The following CCNYL1 variants were observed in gnomAD, a reference collection of about 807,000 sequenced individuals.
CCNYL1 encodes cyclin-Y-like protein 1.
In CCNYL1, 16 loss-of-function variants were observed where a neutral mutation model predicts 44.2. The observed-to-expected ratio is 0.36, with a 90% confidence interval of 0.25 to 0.55. CCNYL1 has a LOEUF of 0.55. CCNYL1 is among the 20% of genes least tolerant of loss of function. The pLI is 0.85. For synonymous variants in CCNYL1, 159 were observed against 163.2 expected (o/e 0.97, Z 0.20); for missense variants, 348 against 451.8 (o/e 0.77, Z 2.08).
intron 3 of CCNYL1, among the ~76,000 whole-genome samples, chr2:207,727,962 C>A (rs911090718): frequency 1.1e-4 from 17 of 150,168 alleles, no homozygotes; most frequent in Admixed American, 3.3e-4. Context: ...TTCTCTCTCT[C>A]TCTTTTTTTT....
chr2:207,734,734 A>G (rs533484288), intron 4 of CCNYL1, among the ~76,000 whole-genome samples: 2 of 152,210 alleles, frequency 1.3e-5, no homozygotes, highest in Admixed American at 1.3e-4. Context: ...TAAAAACATA[A>G]CTAGCTTATA....
At chr2:207,746,934 C>G in intron 7 of CCNYL1, 113 bp from the exon 8 acceptor site, 1 of 796,392 alleles carries the variant, frequency 1.3e-6, no homozygotes, top group Non-Finnish European at 2.0e-6. Flanking sequence ...GAGATCGCAC[C>G]ATTGCACTAC....
chr2:207,748,346 C>T (rs1298766590), intron 8 of CCNYL1, among the ~76,000 whole-genome samples: 1 of 152,176 alleles, frequency 6.6e-6, no homozygotes, highest in Non-Finnish European at 1.5e-5. Context: ...CCTTGAGTTA[C>T]CTATGAGAGT....
At chr2:207,720,961 G>A (rs13414646) in intron 1 of CCNYL1, among the ~76,000 whole-genome samples, 2,221 of 147,340 alleles carry the variant, frequency 0.015, 51 homozygotes, top group African/African-American at 0.056. Flanking sequence ...GAGTGAGCAT[G>A]AGACTGGAGC....
At chr2:207,721,745 T>G (rs924696003) in intron 1 of CCNYL1, among the ~76,000 whole-genome samples, 46 of 152,008 alleles carry the variant, frequency 3.0e-4, no homozygotes, top group African/African-American at 9.2e-4. Context: ...TTTTTTTTTT[T>G]TTTGTTTTGA....
intron 7 of CCNYL1, among the ~76,000 whole-genome samples, chr2:207,745,694 A>T (rs577077473): frequency 1.3e-5 from 2 of 152,332 alleles, no homozygotes; most frequent in South Asian, 4.1e-4. Flanking sequence ...CACGCCTGTA[A>T]TCCCAGCACT....
chr2:207,752,047 A>AT (rs895561799), intron 9 of CCNYL1, among the ~76,000 whole-genome samples: 1 of 151,574 alleles, frequency 6.6e-6, no homozygotes, highest in African/African-American at 2.4e-5. Context: ...AAAAAAAAAA[A>AT]TTTTTTCTTT....
At chr2:207,723,150 T>G (rs1423634925) in intron 1 of CCNYL1, among the ~76,000 whole-genome samples, 1 of 152,204 alleles carries the variant, frequency 6.6e-6, no homozygotes, top group African/African-American at 2.4e-5. Context: ...AAAAGCAGTT[T>G]AAAAAAGTTG....
At position 207,711,850 on chromosome 2, in the gene CCNYL1, A is replaced by C; in HGVS notation, c.-47A>C. ...AGGGGGCGGCTGTTGAGGGCGGCGG[A>C]GTAGGGGGCGAGCGAAGGCGGTGGC... On this transcript the variant is annotated 5_prime_UTR_variant, in exon 1 of 10. Transcript: ENST00000295414. 1 of 1,290,336 alleles carries C rather than the reference A, an allele frequency of 7.7e-7. No homozygotes were observed. 79.9% of individuals were successfully genotyped at this position (1,290,336 alleles called of 1,614,324 possible).
chr2:207,717,483 G>A (rs2091606045), intron 1 of CCNYL1, among the ~76,000 whole-genome samples: 1 of 152,132 alleles, frequency 6.6e-6, no homozygotes, highest in Non-Finnish European at 1.5e-5. Context: ...CATTCTGGAG[G>A]GAGCTAGGGA....
chr2:207,731,806 C>CTTTT (rs58231431), intron 3 of CCNYL1, among the ~76,000 whole-genome samples: 2 of 84,700 alleles, frequency 2.4e-5, no homozygotes, highest in African/African-American at 3.9e-5. Context: ...GAGGTTTCTT[C>CTTTT]TTTTTTTTTT....
chr2:207,723,764 A>G (rs1394538673), intron 1 of CCNYL1, among the ~76,000 whole-genome samples: 2 of 148,948 alleles, frequency 1.3e-5, no homozygotes, highest in African/African-American at 2.5e-5. Context: ...AATCCCAGCT[A>G]TTTGGGATAC....
At chr2:207,738,257 G>C (rs1351573926) in intron 5 of CCNYL1, among the ~76,000 whole-genome samples, 4 of 151,930 alleles carry the variant, frequency 2.6e-5, no homozygotes, top group African/African-American at 9.7e-5. Flanking sequence ...AGTCTTGTCT[G>C]TTGCCCAGGC....
In CCNYL1 at chr2:207,711,964, C is replaced by T. The variant is rs1394267644; in HGVS notation, c.68C>T (p.Ser23Leu). The change falls in exon 1 of 10, where the codon TCG (serine) becomes TTG (leucine). Residue 23 changes from serine (S) to leucine (L), a missense_variant. Around this residue, in one of 3 missense-constraint regions of CCNYL1, gnomAD observed 209 missense variants for 247.7 expected, o/e 0.84. Transcript: ENST00000295414. ...CCCAAGCTGGGCCGGCGCGCGGGGT[C>T]GGCGGAGCTGTACTGCGCGTCCGAC... is the stretch of plus-strand genomic sequence containing the variant. Reference protein sequence around the residue: ...ASPKLGRRAGSAELYCASDIY... With the variant: ...ASPKLGRRAGLAELYCASDIY... 10 of 1,404,088 alleles carry T rather than the reference C, an allele frequency of 7.1e-6. No individual in the cohort carries two copies. The East Asian group carries it at 1.8e-4, about 26-fold the overall frequency. The allele number at this position is 1,404,088 out of a possible 1,614,324, so 87.0% of individuals were successfully genotyped here. A position where few individuals can be genotyped will look rare whatever the true frequency, so the allele number is the denominator to read the frequency against.
intron 5 of CCNYL1, 76 bp from the exon 6 acceptor site, chr2:207,740,579 C>A: frequency 1.0e-6 from 1 of 990,206 alleles, no homozygotes; most frequent in Non-Finnish European, 1.6e-6. Context: ...CATCTCCCGC[C>A]ACCCCCAGCA....
intron 8 of CCNYL1, 127 bp downstream of exon 8, chr2:207,747,340 T>A (rs2091861404): frequency 1.5e-6 from 1 of 684,738 alleles, no homozygotes; most frequent in Non-Finnish European, 2.3e-6. Flanking sequence ...CATAAGACTA[T>A]ATCTGTCTAT....
At chr2:207,752,090 A>G (rs1323809720) in intron 9 of CCNYL1, among the ~76,000 whole-genome samples, 1 of 151,110 alleles carries the variant, frequency 6.6e-6, no homozygotes, top group Non-Finnish European at 1.5e-5. Flanking sequence ...CTACATACAT[A>G]ATTCACTTGC....
chr2:207,748,065 T>C (rs889087755), intron 8 of CCNYL1, among the ~76,000 whole-genome samples: 9 of 152,234 alleles, frequency 5.9e-5, no homozygotes, highest in Non-Finnish European at 1.3e-4. Flanking sequence ...AGCTTCAACC[T>C]GAGTCACACA....
rs1038254239 is a variant in CCNYL1, at chr2:207,712,095, A to G, written c.199A>G (p.Ser67Gly). ...CGAGGGCCACCACCTGCAGCACATC[A>G]GCGACCGCGAGATGCCCGAAGGTAA... ...EGEGHHLQHI[S>G]DREMPEDLAL... The change falls in exon 1 of 10, where the codon AGC (serine) becomes GGC (glycine). Residue 67 changes from serine to glycine, a missense_variant. This residue lies in a region of CCNYL1 where 209 missense variants were observed against 247.7 expected (regional missense o/e 0.84). Coordinates refer to ENST00000295414, the MANE Select transcript of CCNYL1 (RefSeq NM_001330218.2). 1 of 1,598,554 alleles carries G rather than the reference A, an allele frequency of 6.3e-7. No homozygotes were observed. Among genetic ancestry groups the G allele is most frequent in the South Asian group, 1.1e-5 (1 of 90,464 alleles).
Sources: allele counts gnomAD v4.1 joint callset (sites outside exome capture counted in the v4.1 genomes callset), GRCh38; gene constraint gnomAD v4.1.1; regional missense constraint gnomAD v4.1.1; transcripts MANE v1.5; gene names NCBI Gene and HGNC (gene_info 2026-07-23, HGNC 2026-07-21).